The following SINHCAF variants were observed in gnomAD, a reference collection of about 807,000 sequenced individuals.
SINHCAF encodes SIN3-HDAC complex-associated factor.
SINHCAF carries 3 observed loss-of-function variants against 25.8 expected under a neutral mutation model. The observed-to-expected ratio is 0.12, with a 90% CI of 0.05 to 0.30. SINHCAF has a LOEUF of 0.30. Ranked by LOEUF, SINHCAF falls within the 10% of genes least tolerant of loss-of-function variation. The pLI is 1.00. For missense variants in SINHCAF, 121 were observed against 262.3 expected (o/e 0.46, Z 3.72); for synonymous variants, 70 against 85.5 (o/e 0.82, Z 1.00).
chr12:31,293,693 G>T, intron 4 of SINHCAF, 112 bp downstream of exon 4: 1 of 904,118 alleles, frequency 1.1e-6, no homozygotes, highest in Non-Finnish European at 1.6e-6. Flanking sequence ...GCCTTCCAGT[G>T]CTCTTTATAA....
chr12:31,283,076 G>C (rs1365507052), intron 5 of SINHCAF, among the ~76,000 whole-genome samples: 5 of 152,000 alleles, frequency 3.3e-5, no homozygotes, highest in Non-Finnish European at 7.4e-5. Context: ...GGCCACACTG[G>C]AATCTTCTCA....
intron 1 of SINHCAF, among the ~76,000 whole-genome samples, chr12:31,318,235 T>C (rs557635743): frequency 2.0e-4 from 31 of 152,318 alleles, no homozygotes; most frequent in Middle Eastern, 6.8e-3. Context: ...ACATGTTTCA[T>C]CTGCAGTTAA....
chr12:31,319,081 T>C (rs1939604932), intron 1 of SINHCAF, among the ~76,000 whole-genome samples: 1 of 152,226 alleles, frequency 6.6e-6, no homozygotes, highest in Non-Finnish European at 1.5e-5. Context: ...TTTAAGGTCA[T>C]GAAAAGCCCC....
chr12:31,309,855 TG>T (rs1471997978), intron 1 of SINHCAF, among the ~76,000 whole-genome samples: 2 of 151,934 alleles, frequency 1.3e-5, no homozygotes, highest in Non-Finnish European at 2.9e-5. Flanking sequence ...TTAGTAGAGA[TG>T]GGGTTTTTCC....
chr12:31,301,756 C>A (rs940243459), intron 1 of SINHCAF, among the ~76,000 whole-genome samples: 241 of 143,790 alleles, frequency 1.7e-3, no homozygotes, highest in African/African-American at 5.7e-3. Flanking sequence ...AAAAAAACAA[C>A]AAAAAAAAAA....
chr12:31,283,133 G>A (rs1365338357), intron 5 of SINHCAF, among the ~76,000 whole-genome samples: 1 of 152,042 alleles, frequency 6.6e-6, no homozygotes, highest in Non-Finnish European at 1.5e-5. Flanking sequence ...CAGTTTCAAA[G>A]GCTGCCCCTG....
chr12:31,289,110 T>C (rs75647379), intron 4 of SINHCAF, among the ~76,000 whole-genome samples: 22,974 of 151,804 alleles, frequency 0.15, 2,317 homozygotes, highest in Non-Finnish European at 0.23. Context: ...ACAACAGAAA[T>C]TGCCCCATAT....
intron 1 of SINHCAF, among the ~76,000 whole-genome samples, chr12:31,319,324 C>T (rs1020015997): frequency 1.3e-5 from 2 of 152,136 alleles, no homozygotes; most frequent in Non-Finnish European, 2.9e-5. Context: ...GTCAGGAGTT[C>T]GAGACCAGTC....
At chr12:31,284,971 C>T (rs1937973129) in intron 5 of SINHCAF, among the ~76,000 whole-genome samples, 1 of 152,114 alleles carries the variant, frequency 6.6e-6, no homozygotes, top group Non-Finnish European at 1.5e-5. Context: ...TGTAAAGTTC[C>T]ATAAATATGT....
intron 1 of SINHCAF, chr12:31,311,977 G>A: frequency 1.4e-6 from 1 of 699,140 alleles, no homozygotes; most frequent in Non-Finnish European, 2.5e-6. Flanking sequence ...CTTTGTTTAT[G>A]GTAGCCTTTC....
intron 3 of SINHCAF, among the ~76,000 whole-genome samples, chr12:31,294,724 G>T (rs999013535): frequency 1.3e-5 from 2 of 152,190 alleles, no homozygotes; most frequent in Non-Finnish European, 2.9e-5. Flanking sequence ...CGATAACTGT[G>T]TTATACTTTC....
Position 31,324,696 on chromosome 12 carries a change from G to A in SINHCAF, c.-21+1328C>T, listed in dbSNP as rs1039684171. ...GGGCGCTGCCTACGTGCAGCATCAG[G>A]GATGTCGGAGCGTTTCGCAGGGGCC... On this transcript the variant is annotated intron_variant, in intron 1 of 5. Transcript: ENST00000337682. This position sits in a 1 kb window ranked among gnomAD's most constrained non-coding sequence, Gnocchi z 5.5. The A allele has an allele frequency of 5.9e-6, 2 of 337,702 alleles. No homozygotes were observed. Among genetic ancestry groups the A allele is most frequent in the Non-Finnish European group, 1.2e-5 (2 of 170,204 alleles). 20.9% of individuals were successfully genotyped at this position (337,702 alleles called of 1,614,324 possible).
chr12:31,303,091 G>A, intron 1 of SINHCAF: 1 of 985,328 alleles, frequency 1.0e-6, no homozygotes, highest in Non-Finnish European at 1.2e-6. Flanking sequence ...CAAGATTTGA[G>A]GGGTTACAGT....
At chr12:31,322,037 A>C (rs1350247148) in intron 1 of SINHCAF, among the ~76,000 whole-genome samples, 1 of 152,150 alleles carries the variant, frequency 6.6e-6, no homozygotes, top group Non-Finnish European at 1.5e-5. Flanking sequence ...ATACAGAATT[A>C]AGAATACTGT....
intron 4 of SINHCAF, among the ~76,000 whole-genome samples, chr12:31,288,227 A>G (rs1311050782): frequency 6.6e-6 from 1 of 152,146 alleles, no homozygotes; most frequent in East Asian, 1.9e-4. Flanking sequence ...CAAAACAAAA[A>G]TCCAAAACCC....
rs1004253243 is a variant in SINHCAF at position 31,288,359 on chromosome 12, T to C, written c.356-575A>G. Among the ~76,000 whole-genome samples, 4 of 152,288 alleles carry C rather than the reference T, an allele frequency of 2.6e-5. No homozygotes were observed. The East Asian group carries it at 7.7e-4, about 29-fold the overall frequency. On this transcript the variant is annotated intron_variant, in intron 4 of 5. Transcript: ENST00000337682. The stretch of plus-strand genomic sequence containing the variant: ...ACCCACGGAAAAAACTGTGGACACC[T>C]TTCCTAACCCCAGCAGAGGCTGAGG...
chr12:31,284,078 T>C (rs1413899995), intron 5 of SINHCAF, among the ~76,000 whole-genome samples: 2 of 152,206 alleles, frequency 1.3e-5, no homozygotes, highest in African/African-American at 2.4e-5. Flanking sequence ...CTAGTTTATA[T>C]TGCTGGCATA....
intron 1 of SINHCAF, among the ~76,000 whole-genome samples, chr12:31,318,075 T>C (rs979470125): frequency 6.6e-6 from 1 of 152,212 alleles, no homozygotes; most frequent in Non-Finnish European, 1.5e-5. Context: ...TAGTCAATCA[T>C]ATGCTATCAT....
In SINHCAF at chr12:31,324,667, AGCCG is replaced by A; in HGVS notation, c.-21+1353_-21+1356del. The A allele has an allele frequency of 3.1e-6, 1 of 318,540 alleles. No homozygotes were observed. The highest frequency in any genetic ancestry group is 6.2e-6 in the Non-Finnish European group (1 of 161,512). The allele number at this position is 318,540 out of a possible 1,614,324, so 19.7% of individuals were successfully genotyped here. ...ACATGCAGCCCTTTGTTTTCTGTCC[AGCCG>A]GGCGCTGCCTACGTGCAGCATCAGG... On this transcript the variant is annotated intron_variant, in intron 1 of 5. Coordinates refer to ENST00000337682, the MANE Select transcript of SINHCAF (RefSeq NM_001135812.2). The surrounding 1 kb of genome is among the most constrained non-coding windows in gnomAD (Gnocchi z 5.5).
Sources: gnomAD v4.1 joint callset for allele counts (sites outside exome capture counted in the v4.1 genomes callset) on GRCh38, gnomAD v4.1.1 for gene constraint, Gnocchi (gnomAD v3.1) non-coding constraint, MANE v1.5 for transcripts, NCBI Gene and HGNC (gene_info 2026-07-23, HGNC 2026-07-21) for gene names.